The following RPS6KA2 variants were observed in gnomAD, a reference collection of about 807,000 sequenced individuals.
RPS6KA2 encodes ribosomal protein S6 kinase alpha-2.
A neutral mutation model predicts 91.8 loss-of-function variants in RPS6KA2; 42 were observed. The observed-to-expected ratio is 0.46, with a 90% CI of 0.36 to 0.59. The LOEUF (loss-of-function observed/expected upper bound fraction) is 0.59, where lower values mean the gene tolerates loss of function less well. Ranked by LOEUF, RPS6KA2 falls within the 20% of genes least tolerant of loss-of-function variation. The probability of loss-of-function intolerance (pLI) is 0.00; values close to 1 mark genes in which losing one functional copy is unlikely to be tolerated. For missense variants in RPS6KA2, 798 were observed against 978.5 expected (o/e 0.82, Z 2.46); for synonymous variants, 414 against 393.6 (o/e 1.05, Z -0.61).
intron 2 of RPS6KA2, among the ~76,000 whole-genome samples, chr6:166,783,605 CAT>C (rs1334977918): frequency 5.3e-5 from 8 of 152,114 alleles, no homozygotes; most frequent in Middle Eastern, 6.8e-3. Flanking sequence ...TCTAAAACTA[CAT>C]ATATATGTAC....
At chr6:166,498,113 C>A (rs1361608457) in intron 8 of RPS6KA2, among the ~76,000 whole-genome samples, 1 of 152,226 alleles carries the variant, frequency 6.6e-6, no homozygotes, top group Non-Finnish European at 1.5e-5. Flanking sequence ...TTTCCAGACG[C>A]TGATGCAAAA....
intron 2 of RPS6KA2, among the ~76,000 whole-genome samples, chr6:166,647,976 ATG>A (rs1787694470): frequency 1.0e-5 from 1 of 98,662 alleles, no homozygotes; most frequent in Non-Finnish European, 2.0e-5. Context: ...ACATACACAC[ATG>A]CTCACACACA....
intron 1 of RPS6KA2, among the ~76,000 whole-genome samples, chr6:166,601,032 G>C (rs1340959211): frequency 6.6e-6 from 1 of 152,100 alleles, no homozygotes; most frequent in Non-Finnish European, 1.5e-5. Context: ...GATGAAGGAA[G>C]AATTAGAAGT....
At chr6:166,528,841 C>T (rs887451306) in intron 3 of RPS6KA2, among the ~76,000 whole-genome samples, 47 of 152,060 alleles carry the variant, frequency 3.1e-4, no homozygotes, top group Non-Finnish European at 5.9e-4. Context: ...CACTGGCCAT[C>T]AGAGAAATGC....
chr6:166,824,281 T>C (rs1192038720), intron 2 of RPS6KA2, among the ~76,000 whole-genome samples: 2 of 152,090 alleles, frequency 1.3e-5, no homozygotes, highest in Non-Finnish European at 2.9e-5. Flanking sequence ...AGAGATGTGG[T>C]ATGGACCAAC....
chr6:166,714,592 G>A (rs1348159941), intron 2 of RPS6KA2, among the ~76,000 whole-genome samples: 1 of 152,234 alleles, frequency 6.6e-6, no homozygotes, highest in African/African-American at 2.4e-5. Context: ...GAGACGCACA[G>A]AGGGAAGACA....
chr6:166,670,732 A>G (rs1043188981), intron 2 of RPS6KA2, among the ~76,000 whole-genome samples: 1 of 152,232 alleles, frequency 6.6e-6, no homozygotes, highest in Non-Finnish European at 1.5e-5. Flanking sequence ...AAACGCAACA[A>G]TTGATAGTTC....
chr6:166,699,083 G>T (rs142774070), intron 2 of RPS6KA2, among the ~76,000 whole-genome samples: 1 of 152,290 alleles, frequency 6.6e-6, no homozygotes, highest in African/African-American at 2.4e-5. Context: ...TGAGTGCACC[G>T]TAGTAACACA....
upstream of RPS6KA2, among the ~76,000 whole-genome samples, chr6:166,631,562 T>G (rs1054512475): frequency 3.6e-4 from 55 of 152,250 alleles, no homozygotes; most frequent in African/African-American, 1.2e-3. Context: ...CACTTTCTTT[T>G]GAAACCCATT....
chr6:166,772,017 T>TTTGTTTATTC (rs11281291), intron 2 of RPS6KA2, among the ~76,000 whole-genome samples: 4,823 of 152,270 alleles, frequency 0.032, 263 homozygotes, highest in African/African-American at 0.11. Flanking sequence ...CATAGCTCTG[T>TTTGTTTATTC]TTGTTTTATG....
intron 2 of RPS6KA2, among the ~76,000 whole-genome samples, chr6:166,838,120 C>G (rs745488857): frequency 6.6e-6 from 1 of 152,254 alleles, no homozygotes; most frequent in Admixed American, 6.5e-5. Flanking sequence ...GGGCTGAGGA[C>G]CTCAGGCTTG....
In RPS6KA2 at chr6:166,432,387, C is replaced by T. The variant is rs372781922; in HGVS notation, c.1422+14G>A. ...AGAAGGAAGTGGAGATGCTGTTGCA[C>T]GGGGACCACTCACATCCTTGAGGGT... On this transcript the variant is annotated intron_variant, in intron 15 of 20. Transcript: ENST00000265678. 7.0e-6 allele frequency: 11 copies of T among 1,575,378 alleles called. No homozygotes were observed. The Admixed American group carries it at 8.4e-5, about 12-fold the overall frequency.
intron 2 of RPS6KA2, among the ~76,000 whole-genome samples, chr6:166,851,005 T>C (rs1004028416): frequency 2.0e-5 from 3 of 152,176 alleles, no homozygotes; most frequent in African/African-American, 4.8e-5. Context: ...AATAAGTCTG[T>C]AGAAAAAGCC....
In RPS6KA2 at chr6:166,763,214, C is replaced by A. The variant is rs547435922; in HGVS notation, c.123+94986G>T. ...TGGCATTCGCTTAGCATGGAAAAAG[C>A]AAAGCCAAGAATAATTTTAAATTCT... On this transcript the variant is annotated intron_variant, in intron 2 of 21. Coordinates refer to the RPS6KA2 transcript ENST00000503859. Among the ~76,000 whole-genome samples, 67 of 152,256 alleles carry A rather than the reference C, an allele frequency of 4.4e-4. 1 individual carries two copies. In the South Asian group the frequency reaches 0.014, roughly 31 times the overall value.
chr6:166,675,337 C>T (rs948374792), intron 2 of RPS6KA2, among the ~76,000 whole-genome samples: 2 of 152,202 alleles, frequency 1.3e-5, no homozygotes, highest in Non-Finnish European at 2.9e-5. Context: ...TCCTTCAGTC[C>T]CACTTTCTCT....
At position 166,626,899 on chromosome 6, in the gene RPS6KA2, G is replaced by A. The variant is rs1211993715; in HGVS notation, c.99+22C>T. 1.4e-6 allele frequency: 2 copies of A among 1,472,458 alleles called. No individual in the cohort carries two copies. The highest frequency in any genetic ancestry group is 1.5e-5 in the African/African-American group (1 of 68,764). 91.2% of individuals were successfully genotyped at this position (1,472,458 alleles called of 1,614,324 possible). A position where few individuals can be genotyped will look rare whatever the true frequency, so the allele number is the denominator to read the frequency against. ...CCCGCTCAGTGCCCGGCACCTGCGCGCCCCGAGGGCGGCCGCATTACCTCG... is the reference window on the plus strand; with the variant it reads ...CCCGCTCAGTGCCCGGCACCTGCGCACCCCGAGGGCGGCCGCATTACCTCG... On this transcript the variant is annotated intron_variant, in intron 1 of 20. Coordinates refer to ENST00000265678, the MANE Select transcript of RPS6KA2 (RefSeq NM_021135.6). This position sits in a 1 kb window ranked among gnomAD's most constrained non-coding sequence, Gnocchi z 4.1.
chr6:166,825,033 C>T lies in RPS6KA2; in HGVS notation c.123+33167G>A, dbSNP rs114520770. On this transcript the variant is annotated intron_variant, in intron 2 of 21. Transcript: ENST00000503859. The surrounding 1 kb of genome is among the most constrained non-coding windows in gnomAD (Gnocchi z 4.1). Reference sequence around the variant, plus strand: ...CACCCCAGGGAGCTGCCTTCCCGTCCGTCTTCTGCCTCCACCCACACAGCA... The same window carrying T: ...CACCCCAGGGAGCTGCCTTCCCGTCTGTCTTCTGCCTCCACCCACACAGCA... Among the ~76,000 whole-genome samples, 2,032 of 152,346 alleles carry T rather than the reference C, an allele frequency of 0.013. 54 individuals carry two copies. Among genetic ancestry groups the T allele is most frequent in the African/African-American group, 0.047 (1,940 of 41,568 alleles).
chr6:166,527,396 C>T (rs935899361), intron 3 of RPS6KA2, among the ~76,000 whole-genome samples: 46 of 152,312 alleles, frequency 3.0e-4, no homozygotes, highest in African/African-American at 1.1e-3. Context: ...TGGCCAAGGA[C>T]AGGCTGGAGA....
chr6:166,592,276 T>A (rs894525999), intron 1 of RPS6KA2, among the ~76,000 whole-genome samples: 1 of 152,208 alleles, frequency 6.6e-6, no homozygotes, highest in East Asian at 1.9e-4. Flanking sequence ...GAGCTTCTGA[T>A]GGGTGCACCT....
Sources: gnomAD v4.1 joint callset for allele counts (sites outside exome capture counted in the v4.1 genomes callset) on GRCh38, gnomAD v4.1.1 for gene constraint, Gnocchi (gnomAD v3.1) non-coding constraint, MANE v1.5 for transcripts, NCBI Gene and HGNC (gene_info 2026-07-23, HGNC 2026-07-21) for gene names.